ME2: variants seen among roughly 807,000 people sequenced by gnomAD.
The protein encoded by ME2 is NAD-dependent malic enzyme, mitochondrial.
A neutral mutation model predicts 73.7 loss-of-function variants in ME2; 60 were observed. That is an observed-to-expected ratio of 0.81 (90% CI 0.66 to 1.01). The LOEUF is 1.01. ME2 is among the 50% of genes least tolerant of loss of function. The pLI is 0.00. For synonymous variants in ME2, 199 were observed against 236.9 expected, an observed-to-expected ratio of 0.84 and a Z score of 1.47; for missense variants, 594 against 705.5, an observed-to-expected ratio of 0.84 and a Z score of 1.79.
chr18:50,920,508 T>G lies in ME2; in HGVS notation c.787T>G (p.Phe263Val). The G allele has an allele frequency of 1.9e-6, 3 of 1,600,874 alleles. No individual in the cohort carries two copies. The highest frequency in any genetic ancestry group is 2.5e-6 in the Non-Finnish European group (3 of 1,177,212). ...QFEDFGNHNA[F>V]RFLRKYREKY... ...CGAAGACTTTGGAAATCATAATGCA[T>G]TCAGGTTCTTGAGAAAGTACCGAGA... Residue 263 changes from phenylalanine to valine, a missense_variant, in exon 8 of 16, where the codon TTC (phenylalanine) becomes GTC (valine). Transcript: ENST00000321341.
intron 3 of ME2, among the ~76,000 whole-genome samples, chr18:50,910,054 C>T (rs920391747): frequency 1.6e-4 from 25 of 151,912 alleles, no homozygotes; most frequent in African/African-American, 4.1e-4. Flanking sequence ...TGAAAGTCAT[C>T]GCTCAGATTT....
chr18:50,947,346 C>T lies in ME2; in HGVS notation c.*162C>T, dbSNP rs551891503. On this transcript the variant is annotated 3_prime_UTR_variant, in exon 16 of 16. Transcript: ENST00000321341. ...GCGTCTCCACATCTGTTGGGGTAGA[C>T]GTGTTGATTGATTGCATTGCCCACC... 12 of 641,406 alleles carry T rather than the reference C, an allele frequency of 1.9e-5. No homozygotes were observed. The highest frequency in any genetic ancestry group is 1.1e-4 in the African/African-American group (6 of 54,694). 39.7% of individuals were successfully genotyped at this position (641,406 alleles called of 1,614,324 possible).
At chr18:50,938,575 T>C (rs536089842) in intron 13 of ME2, among the ~76,000 whole-genome samples, 1 of 152,332 alleles carries the variant, frequency 6.6e-6, no homozygotes, top group African/African-American at 2.4e-5. Context: ...TCAAAAAATA[T>C]ATATCTCCCA....
chr18:50,899,355 G>A (rs986215203), intron 2 of ME2, among the ~76,000 whole-genome samples: 2 of 152,218 alleles, frequency 1.3e-5, no homozygotes, highest in African/African-American at 4.8e-5. Context: ...GCTCACACCT[G>A]TAGTCCCAGC....
chr18:50,910,268 CAAAAAA>C (rs74176794), intron 3 of ME2, among the ~76,000 whole-genome samples: 9 of 35,276 alleles, frequency 2.6e-4, no homozygotes, highest in African/African-American at 1.1e-3. Flanking sequence ...CCTGTTTCTA[CAAAAAA>C]AAAAAAAAAA....
chr18:50,947,732 T>A lies in ME2; in HGVS notation c.*548T>A, dbSNP rs1918121132. ...ACAGAGCTAGGGAAATATTAAAAAT[T>A]TACCCTATTTATTTTCTGGAACTAA... On this transcript the variant is annotated 3_prime_UTR_variant, in exon 16 of 16. Transcript: ENST00000321341. 6.6e-6 allele frequency: 1 copy of A among 152,188 alleles called. No individual in the cohort carries two copies. Among genetic ancestry groups the A allele is most frequent in the Admixed American group, 6.6e-5 (1 of 15,264 alleles). 9.4% of individuals were successfully genotyped at this position (152,188 alleles called of 1,614,324 possible).
intron 15 of ME2, among the ~76,000 whole-genome samples, chr18:50,946,768 A>T (rs1918093229): frequency 1.3e-5 from 2 of 152,218 alleles, no homozygotes; most frequent in Admixed American, 1.3e-4. Context: ...GAGGAATGAC[A>T]TAGGCTGGGC....
intron 2 of ME2, among the ~76,000 whole-genome samples, chr18:50,896,308 A>G (rs1001925507): frequency 6.6e-6 from 1 of 152,228 alleles, no homozygotes; most frequent in Admixed American, 6.5e-5. Context: ...AAGTAGGGTC[A>G]AAATTGTGAA....
chr18:50,920,441 T>A lies in ME2; in HGVS notation c.735-15T>A. ...TTATTTTCAACACAACTATTGTGGG[T>A]TTTGCTGTTTTTAGATATGGCCGGA... On this transcript the variant is annotated splice_polypyrimidine_tract_variant and intron_variant, in intron 7 of 15. Transcript: ENST00000321341. 6.5e-7 allele frequency: 1 copy of A among 1,538,238 alleles called. No individual in the cohort carries two copies. Among genetic ancestry groups the A allele is most frequent in the Non-Finnish European group, 8.9e-7 (1 of 1,126,182 alleles).
chr18:50,935,770 A>AAAAAAAG (rs1568174469), intron 13 of ME2: 1 of 149,020 alleles, frequency 6.7e-6, no homozygotes, highest in African/African-American at 2.5e-5. Flanking sequence ...AAAAAAAAAA[A>AAAAAAAG]AAGAGTGAAT....
intron 1 of ME2, among the ~76,000 whole-genome samples, chr18:50,888,694 TGTACTTG>T (rs1916538655): frequency 6.6e-6 from 1 of 152,218 alleles, no homozygotes; most frequent in African/African-American, 2.4e-5. Flanking sequence ...TTTAGGTTTA[TGTACTTG>T]GTAATATGAT....
chr18:50,931,805 G>C (rs1311501377), intron 12 of ME2, among the ~76,000 whole-genome samples: 1 of 151,894 alleles, frequency 6.6e-6, no homozygotes, highest in Non-Finnish European at 1.5e-5. Flanking sequence ...CTCCTGAGTA[G>C]CTGAGATTAC....
At chr18:50,893,124 C>CAAAAAAAAAAAAAAAAAAAAAAAAAAAA in intron 1 of ME2, among the ~76,000 whole-genome samples, 1 of 78,092 alleles carries the variant, frequency 1.3e-5, no homozygotes, top group African/African-American at 5.9e-5. Flanking sequence ...GACTCTATCT[C>CAAAAAAAAAAAAAAAAAAAAAAAAAAAA]AAAAAAAAAA....
Position 50,918,203 on chromosome 18 carries a change from A to G in ME2, c.724A>G (p.Ile242Val), listed in dbSNP as rs552186538. 2.1e-5 allele frequency: 33 copies of G among 1,599,098 alleles called. No individual in the cohort carries two copies. In the East Asian group the frequency reaches 3.1e-4, roughly 15 times the overall value. The change falls in exon 7 of 16, where the codon ATT becomes GTT. Residue 242 changes from isoleucine to valine, a missense_variant. Ile to Val is a conservative substitution (Grantham distance 29). Coordinates refer to ENST00000321341, the MANE Select transcript of ME2 (RefSeq NM_002396.5). ...CCTGATTGATGAGTTTATGAAAGCT[A>G]TTACTGACAGGTATTTTTTAAAAGT... ...DDLIDEFMKAITDRYGRNTLI... is the reference protein window; with the variant it reads ...DDLIDEFMKAVTDRYGRNTLI...
intron 1 of ME2, among the ~76,000 whole-genome samples, chr18:50,882,863 C>A (rs991901745): frequency 2.0e-5 from 3 of 152,042 alleles, no homozygotes; most frequent in Non-Finnish European, 4.4e-5. Flanking sequence ...GCAGGAGAAT[C>A]GCTTGAACCT....
In ME2 at chr18:50,937,924, G is replaced by A. The variant is rs189509663; in HGVS notation, c.1418-1646G>A. Among the ~76,000 whole-genome samples the A allele has an allele frequency of 1.4e-4, 21 of 152,294 alleles. No homozygotes were observed. In the East Asian group the frequency reaches 3.9e-3, roughly 28 times the overall value. On this transcript the variant is annotated intron_variant, in intron 13 of 15. Coordinates refer to ENST00000321341, the MANE Select transcript of ME2 (RefSeq NM_002396.5). Reference sequence around the variant, plus strand: ...TCATGAACATTTCCCAAAACTGAAAGACTCGTGTTTTCAGATAGGAAGCGC... The same window carrying A: ...TCATGAACATTTCCCAAAACTGAAAAACTCGTGTTTTCAGATAGGAAGCGC...
At chr18:50,941,277 A>AG (rs1454219355) in intron 15 of ME2, among the ~76,000 whole-genome samples, 5 of 130,792 alleles carry the variant, frequency 3.8e-5, no homozygotes, top group Admixed American at 8.1e-5. Context: ...AAAAAAAAAA[A>AG]AAAGAAAGAA....
In ME2 at chr18:50,947,327, C is replaced by A. The variant is rs1425595702; in HGVS notation, c.*143C>A. On this transcript the variant is annotated 3_prime_UTR_variant, in exon 16 of 16. Transcript: ENST00000321341. ...GTTGATGTATTTTTTCCATGCGTCT[C>A]CACATCTGTTGGGGTAGACGTGTTG... The A allele has an allele frequency of 5.4e-6, 4 of 735,200 alleles. No homozygotes were observed. Among genetic ancestry groups the A allele is most frequent in the Non-Finnish European group, 6.7e-6 (3 of 450,424 alleles). 45.5% of individuals were successfully genotyped at this position (735,200 alleles called of 1,614,324 possible). A position where few individuals can be genotyped will look rare whatever the true frequency, so the allele number is the denominator to read the frequency against.
chr18:50,901,922 T>C (rs1453520451), intron 2 of ME2, among the ~76,000 whole-genome samples: 1 of 152,244 alleles, frequency 6.6e-6, no homozygotes, highest in African/African-American at 2.4e-5. Flanking sequence ...TACGTTTTTT[T>C]CTTTTTCTAG....
Sources: allele counts gnomAD v4.1 joint callset (sites outside exome capture counted in the v4.1 genomes callset), GRCh38; gene constraint gnomAD v4.1.1; transcripts MANE v1.5; gene names NCBI Gene and HGNC (gene_info 2026-07-23, HGNC 2026-07-21).